ODR4: variants seen among roughly 807,000 people sequenced by gnomAD.
ODR4 encodes the protein odr-4 GPCR localization factor homolog, also known as protein odr-4 homolog.
In ODR4, 47 loss-of-function variants were observed where a neutral mutation model predicts 60.2. That is an observed-to-expected ratio of 0.78 (90% CI 0.62 to 1.00). The LOEUF (loss-of-function observed/expected upper bound fraction) is 1.00, where lower values mean the gene tolerates loss of function less well. Among genes scored for constraint, ODR4 ranks in the 50% least tolerant of loss-of-function variants. The pLI, the probability that ODR4 is intolerant of heterozygous loss-of-function variation, is 0.00. For synonymous variants in ODR4, 178 were observed against 175.5 expected (o/e 1.01, Z -0.11); for missense variants, 488 against 530.8 (o/e 0.92, Z 0.79).
intron 12 of ODR4, chr1:186,412,040 T>C (rs1210393365): frequency 6.3e-6 from 1 of 157,806 alleles, no homozygotes; most frequent in African/African-American, 2.4e-5. Flanking sequence ...GAAACTTACA[T>C]GGATCTCAAG....
At chr1:186,391,035 T>A in intron 7 of ODR4, among the ~76,000 whole-genome samples, 184 bp downstream of exon 7, 1 of 152,220 alleles carries the variant, frequency 6.6e-6, no homozygotes, top group Admixed American at 6.5e-5. Flanking sequence ...AGTGGAACAA[T>A]GTCATAATAC....
rs1362243662 is a variant in ODR4, at chr1:186,393,935, G to C, written c.712-12G>C. ...TTCACAGTTTGGCTTTTTAACTTTT[G>C]TGTTTTTTCAGAAAAAATCTTCTAG... On this transcript the variant is annotated splice_polypyrimidine_tract_variant and intron_variant, in intron 8 of 13. Transcript: ENST00000287859. 6.8e-7 allele frequency: 1 copy of C among 1,469,636 alleles called. No homozygotes were observed. The highest frequency in any genetic ancestry group is 1.2e-5 in the South Asian group (1 of 81,282). The allele number at this position is 1,469,636 out of a possible 1,614,324, so 91.0% of individuals were successfully genotyped here.
At chr1:186,428,072 C>G in the ODR4 span, among the ~76,000 whole-genome samples, 2 of 152,188 alleles carry the variant, frequency 1.3e-5, no homozygotes, top group Admixed American at 1.3e-4. Flanking sequence ...TTGGCTTCAA[C>G]TTAAAGTCAC....
chr1:186,429,374 C>T, the ODR4 span, among the ~76,000 whole-genome samples: 21 of 152,022 alleles, frequency 1.4e-4, no homozygotes, highest in African/African-American at 4.1e-4. Context: ...GGAAAAATTA[C>T]GATAGACTTG....
intron 12 of ODR4, among the ~76,000 whole-genome samples, chr1:186,408,489 A>G (rs1444835708): frequency 6.6e-6 from 1 of 150,596 alleles, no homozygotes; most frequent in Non-Finnish European, 1.5e-5. Flanking sequence ...CTCATTATTT[A>G]TGTTTATATA....
Position 186,407,134 on chromosome 1 carries a change from A to G in ODR4, c.1186+866A>G, listed in dbSNP as rs116239115. Among the ~76,000 whole-genome samples the G allele has an allele frequency of 3.1e-3, 473 of 152,238 alleles. 1 individual carries two copies. The highest frequency in any genetic ancestry group is 0.011 in the African/African-American group (448 of 41,554). On this transcript the variant is annotated intron_variant, in intron 12 of 13. Transcript: ENST00000287859. ...GCAATACCAGATCGTGATGTAGAGCAATAAGCTTGTTTCAGTGGGGAAAAT... is the reference window on the plus strand; with the variant it reads ...GCAATACCAGATCGTGATGTAGAGCGATAAGCTTGTTTCAGTGGGGAAAAT...
At position 186,405,892 on chromosome 1, in the gene ODR4, C is replaced by A. The variant is rs1661157285; in HGVS notation, c.1001-191C>A. On this transcript the variant is annotated intron_variant, in intron 11 of 13. Transcript: ENST00000287859. ...ATAGGAGTATCATTTAGGTTCCTTG[C>A]AAAGACCAGGGGTTTTGAGGTAAAG... 3.9e-5 allele frequency among the ~76,000 whole-genome samples: 6 copies of A among 152,076 alleles called. No individual in the cohort carries two copies. In the South Asian group the frequency reaches 6.2e-4, roughly 16 times the overall value.
At chr1:186,413,732 C>T (rs200334554) in intron 12 of ODR4, among the ~76,000 whole-genome samples, 1 of 152,140 alleles carries the variant, frequency 6.6e-6, no homozygotes, top group Non-Finnish European at 1.5e-5. Flanking sequence ...TTTATGGCTA[C>T]ATCGCTGACT....
downstream of ODR4, among the ~76,000 whole-genome samples, chr1:186,422,384 A>G (rs1284964725): frequency 2.0e-5 from 3 of 152,206 alleles, no homozygotes; most frequent in East Asian, 3.8e-4. Flanking sequence ...ATAATGGGAG[A>G]TTTCAACAAC....
intron 5 of ODR4, among the ~76,000 whole-genome samples, chr1:186,389,088 G>T (rs1438015856): frequency 6.6e-6 from 1 of 151,446 alleles, no homozygotes; most frequent in Non-Finnish European, 1.5e-5. Context: ...GGAGTGACAC[G>T]ATCCATGGAC....
At chr1:186,380,333 T>G (rs1204393336) in intron 2 of ODR4, among the ~76,000 whole-genome samples, 1 of 152,186 alleles carries the variant, frequency 6.6e-6, no homozygotes, top group Middle Eastern at 3.2e-3. Context: ...ATATTTTTGT[T>G]GTAAGCTATA....
intron 9 of ODR4, among the ~76,000 whole-genome samples, chr1:186,395,386 C>A (rs1193531829): frequency 1.3e-5 from 2 of 152,034 alleles, no homozygotes; most frequent in African/African-American, 4.8e-5. Flanking sequence ...AGCCACCGCG[C>A]CTGGCCAGGT....
intron 12 of ODR4, among the ~76,000 whole-genome samples, chr1:186,412,638 G>A (rs7339969): frequency 0.29 from 44,091 of 151,674 alleles, 6,810 homozygotes; most frequent in East Asian, 0.5. Context: ...AATTATATGC[G>A]CTTATTCACT....
chr1:186,409,773 T>A (rs906177343), intron 12 of ODR4, among the ~76,000 whole-genome samples: 4 of 152,164 alleles, frequency 2.6e-5, no homozygotes, highest in Non-Finnish European at 5.9e-5. Context: ...CTCTAACTCC[T>A]GACCTTGTGA....
chr1:186,380,297 A>G (rs2102012507), intron 2 of ODR4, among the ~76,000 whole-genome samples: 1 of 152,278 alleles, frequency 6.6e-6, no homozygotes, highest in East Asian at 1.9e-4. Context: ...GTGTTGTCTT[A>G]TATCAGACTT....
chr1:186,387,027 A>G (rs1660278004), intron 4 of ODR4, among the ~76,000 whole-genome samples: 1 of 152,172 alleles, frequency 6.6e-6, no homozygotes, highest in Non-Finnish European at 1.5e-5. Flanking sequence ...TTTGAAGGGT[A>G]TTTCATACCC....
chr1:186,411,593 T>G (rs984049096), intron 12 of ODR4, among the ~76,000 whole-genome samples: 1 of 152,038 alleles, frequency 6.6e-6, no homozygotes, highest in African/African-American at 2.4e-5. Flanking sequence ...GCTTTATCAT[T>G]AGCATTATTT....
Position 186,414,800 on chromosome 1 carries a change from G to A in ODR4, c.1187-2744G>A, listed in dbSNP as rs4651310. ...CTCCCAAAGTGCTGGGATTACAAGC[G>A]TGAGCCACTACGTCCGGCCAAAAAA... On this transcript the variant is annotated intron_variant, in intron 12 of 13. Transcript: ENST00000287859. Among the ~76,000 whole-genome samples, 584 of 152,244 alleles carry A rather than the reference G, an allele frequency of 3.8e-3. 7 individuals are homozygous for A. Among genetic ancestry groups the A allele is most frequent in the Admixed American group, 9.7e-3 (149 of 15,288 alleles).
In ODR4 at chr1:186,420,934, C is replaced by G. The variant is rs1410368963; in HGVS notation, c.*1858C>G. 6.6e-6 allele frequency: 1 copy of G among 151,986 alleles called. No homozygotes were observed. The highest frequency in any genetic ancestry group is 1.5e-5 in the Non-Finnish European group (1 of 67,994). The allele number at this position is 151,986 out of a possible 1,614,324, so 9.4% of individuals were successfully genotyped here. ...AACATATATTTAAATAAAATCCAGG[C>G]CTAGACTCAAGGTATTGTAAATGAC... On this transcript the variant is annotated 3_prime_UTR_variant, in exon 14 of 14. Coordinates refer to ENST00000287859, the MANE Select transcript of ODR4 (RefSeq NM_017847.6).
Sources: allele counts gnomAD v4.1 joint callset (sites outside exome capture counted in the v4.1 genomes callset), GRCh38; gene constraint gnomAD v4.1.1; transcripts MANE v1.5; gene names NCBI Gene and HGNC (gene_info 2026-07-23, HGNC 2026-07-21).